CERS6: variants seen among roughly 807,000 people sequenced by gnomAD.
CERS6 encodes the protein LAG1 homolog, ceramide synthase 6.
CERS6 carries 26 observed loss-of-function variants against 56.8 expected under a neutral mutation model. The observed-to-expected ratio is 0.46, with a 90% confidence interval of 0.34 to 0.63. The LOEUF is 0.63. Among genes scored for constraint, CERS6 ranks in the 30% least tolerant of loss-of-function variants. The pLI, the probability that CERS6 is intolerant of heterozygous loss-of-function variation, is 0.01. For missense variants in CERS6, 415 were observed against 467.5 expected (o/e 0.89, Z 1.04); for synonymous variants, 164 against 173.3 (o/e 0.95, Z 0.42).
intron 4 of CERS6, among the ~76,000 whole-genome samples, chr2:168,661,965 A>T (rs1334642802): frequency 1.3e-5 from 2 of 152,186 alleles, no homozygotes; most frequent in African/African-American, 4.8e-5. Flanking sequence ...ATGAAAGTAG[A>T]TTGGCTTACA....
chr2:168,750,476 T>G (rs1234388878), intron 8 of CERS6, among the ~76,000 whole-genome samples: 1 of 152,218 alleles, frequency 6.6e-6, no homozygotes, highest in Non-Finnish European at 1.5e-5. Flanking sequence ...AAATTACATC[T>G]TTTTTCTTTA....
At chr2:168,569,082 C>T (rs1419641836) in intron 3 of CERS6, among the ~76,000 whole-genome samples, 1 of 152,180 alleles carries the variant, frequency 6.6e-6, no homozygotes, top group Non-Finnish European at 1.5e-5. Flanking sequence ...ATACCGCAGA[C>T]TGTGTGGCTT....
At chr2:168,690,994 G>A in intron 4 of CERS6, 40 bp from the exon 5 acceptor site, 2 of 1,578,536 alleles carry the variant, frequency 1.3e-6, no homozygotes, top group Non-Finnish European at 1.7e-6. Context: ...TCTTATCCAT[G>A]TTCTAAAATA....
chr2:168,642,538 T>C (rs970873122), intron 4 of CERS6, among the ~76,000 whole-genome samples: 4 of 152,188 alleles, frequency 2.6e-5, no homozygotes, highest in Admixed American at 2.6e-4. Context: ...GAGTGAAGGA[T>C]GCTTCATGAT....
At chr2:168,583,714 AAGGCTAC>A (rs1683474954) in intron 3 of CERS6, among the ~76,000 whole-genome samples, 1 of 152,200 alleles carries the variant, frequency 6.6e-6, no homozygotes, top group Admixed American at 6.5e-5. Flanking sequence ...AGTTAGTTGA[AAGGCTAC>A]AGGGTCCATT....
At chr2:168,464,740 A>G (rs961090553) in intron 1 of CERS6, among the ~76,000 whole-genome samples, 1 of 152,086 alleles carries the variant, frequency 6.6e-6, no homozygotes, top group Non-Finnish European at 1.5e-5. Flanking sequence ...TGGATTATCT[A>G]AATTCTGGGT....
intron 8 of CERS6, among the ~76,000 whole-genome samples, chr2:168,751,983 G>A (rs1178883092): frequency 6.6e-6 from 1 of 152,080 alleles, no homozygotes; most frequent in Non-Finnish European, 1.5e-5. Context: ...GTCTCCTACA[G>A]TTATTTGTAA....
intron 3 of CERS6, among the ~76,000 whole-genome samples, chr2:168,591,523 A>G (rs719971): frequency 0.023 from 3,543 of 152,362 alleles, 140 homozygotes; most frequent in East Asian, 0.18. Flanking sequence ...TTACACAATC[A>G]TTAGTTTTAA....
chr2:168,590,026 C>T (rs1281523789), intron 3 of CERS6, among the ~76,000 whole-genome samples: 2 of 152,190 alleles, frequency 1.3e-5, no homozygotes, highest in Non-Finnish European at 2.9e-5. Flanking sequence ...ATTCGTTAAA[C>T]CAGTACAGTA....
At chr2:168,470,746 A>G (rs185532152) in intron 1 of CERS6, among the ~76,000 whole-genome samples, 8 of 152,300 alleles carry the variant, frequency 5.3e-5, no homozygotes, top group African/African-American at 1.9e-4. Flanking sequence ...TTAACCAGAC[A>G]GGATTTCTAA....
At chr2:168,600,772 G>A (rs532350476) in intron 3 of CERS6, among the ~76,000 whole-genome samples, 10 of 152,120 alleles carry the variant, frequency 6.6e-5, no homozygotes, top group African/African-American at 2.4e-4. Context: ...ATTTCCTATG[G>A]TATCTAATGC....
intron 4 of CERS6, among the ~76,000 whole-genome samples, chr2:168,631,654 TA>T (rs1684738616): frequency 4.7e-5 from 1 of 21,288 alleles, no homozygotes; most frequent in Non-Finnish European, 1.1e-4. Context: ...ATATTTATAT[TA>T]TATATAACAT....
intron 8 of CERS6, among the ~76,000 whole-genome samples, chr2:168,748,578 T>C (rs1272113221): frequency 1.3e-5 from 2 of 152,194 alleles, no homozygotes; most frequent in Admixed American, 6.5e-5. Context: ...ATGGCTGGCC[T>C]GGGGACTGCT....
At chr2:168,608,854 T>A (rs1684116529) in intron 3 of CERS6, among the ~76,000 whole-genome samples, 1 of 152,238 alleles carries the variant, frequency 6.6e-6, no homozygotes. Flanking sequence ...TTTTGAAACA[T>A]GAGTTATGAA....
At chr2:168,515,156 T>A (rs373545959) in intron 1 of CERS6, among the ~76,000 whole-genome samples, 3 of 152,252 alleles carry the variant, frequency 2.0e-5, no homozygotes, top group African/African-American at 7.2e-5. Flanking sequence ...CATGGACTCA[T>A]GTAATTATTT....
intron 4 of CERS6, among the ~76,000 whole-genome samples, chr2:168,638,178 C>G (rs1356654295): frequency 6.6e-6 from 1 of 152,098 alleles, no homozygotes; most frequent in Non-Finnish European, 1.5e-5. Flanking sequence ...TTGCTGCATT[C>G]TTGGTAGTTT....
Position 168,561,461 on chromosome 2 carries a change from C to G in CERS6, c.407+139C>G, listed in dbSNP as rs1033425478. 4 of 855,670 alleles carry G rather than the reference C, an allele frequency of 4.7e-6. No homozygotes were observed. In the African/African-American group the frequency reaches 6.8e-5, roughly 15 times the overall value. The allele number at this position is 855,670 out of a possible 1,614,324, so 53.0% of individuals were successfully genotyped here. A position where few individuals can be genotyped will look rare whatever the true frequency, so the allele number is the denominator to read the frequency against. On this transcript the variant is annotated intron_variant, in intron 3 of 9. Coordinates refer to ENST00000305747, the MANE Select transcript of CERS6 (RefSeq NM_203463.3). ...GTGGGAAAATAGTTCAGGAAAAACACAGGAAACAGTAGTTTGTAAGAATTT... is the reference window on the plus strand; with the variant it reads ...GTGGGAAAATAGTTCAGGAAAAACAGAGGAAACAGTAGTTTGTAAGAATTT...
chr2:168,585,145 C>G (rs992735677), intron 3 of CERS6, among the ~76,000 whole-genome samples: 5 of 152,250 alleles, frequency 3.3e-5, no homozygotes, highest in Non-Finnish European at 5.9e-5. Flanking sequence ...ACACACAACT[C>G]ACTGATTCTC....
In CERS6 at chr2:168,474,258, A is replaced by G. The variant is rs114104921; in HGVS notation, c.170+17640A>G. Among the ~76,000 whole-genome samples, 1,514 of 152,288 alleles carry G rather than the reference A, an allele frequency of 9.9e-3. 31 individuals are homozygous for G. Among genetic ancestry groups the G allele is most frequent in the African/African-American group, 0.034 (1,422 of 41,552 alleles). On this transcript the variant is annotated intron_variant, in intron 1 of 9. Transcript: ENST00000305747. ...AGTTGATTTAACGGCTTTTCCATAAATGCTATAGGAAACAATGCAGTAACT... is the reference window on the plus strand; with the variant it reads ...AGTTGATTTAACGGCTTTTCCATAAGTGCTATAGGAAACAATGCAGTAACT...
Sources: gnomAD v4.1 joint callset for allele counts (sites outside exome capture counted in the v4.1 genomes callset) on GRCh38, gnomAD v4.1.1 for gene constraint, MANE v1.5 for transcripts, NCBI Gene and HGNC (gene_info 2026-07-23, HGNC 2026-07-21) for gene names.